Variants in GPR137 observed in about 807,000 individuals in gnomAD.
The protein encoded by GPR137 is G protein-coupled receptor 137.
A neutral mutation model predicts 38.9 loss-of-function variants in GPR137; 20 were observed. The observed-to-expected ratio is 0.51, with a 90% CI of 0.36 to 0.75. GPR137 has a LOEUF of 0.75. Ranked by LOEUF, GPR137 falls within the 30% of genes least tolerant of loss-of-function variation. GPR137 has a pLI of 0.00. For synonymous variants in GPR137, 226 were observed against 235.8 expected (o/e 0.96, Z 0.38); for missense variants, 456 against 526.4 (o/e 0.87, Z 1.31).
chr11:64,275,880 A>G (rs2033021380), intron 1 of GPR137: 1 of 152,020 alleles, frequency 6.6e-6, no homozygotes, highest in Non-Finnish European at 1.5e-5. Context: ...GTATTCATTC[A>G]TTTGATCCTT....
upstream of GPR137, chr11:64,284,841 TC>T (rs1565354505): frequency 6.6e-7 from 1 of 1,509,966 alleles, no homozygotes; most frequent in African/African-American, 1.4e-5. Flanking sequence ...GCATCCTTTT[TC>T]CTCCCTCCTT....
upstream of GPR137, chr11:64,271,628 A>C: frequency 6.7e-7 from 1 of 1,499,616 alleles, no homozygotes; most frequent in Admixed American, 2.3e-5. Context: ...AGGAGTCCAC[A>C]AACTCGTCAC....
upstream of GPR137, among the ~76,000 whole-genome samples, chr11:64,280,026 A>T (rs757158623): frequency 1.5e-4 from 22 of 151,134 alleles, no homozygotes; most frequent in Non-Finnish European, 2.7e-4. Flanking sequence ...TCTAAAATTA[A>T]TAATAATTTG....
chr11:64,289,163 C>T lies in GPR137; in HGVS notation c.1158C>T (p.His386=). The T allele has an allele frequency of 1.2e-6, 2 of 1,613,700 alleles. No homozygotes were observed. Among genetic ancestry groups the T allele is most frequent in the Middle Eastern group, 3.3e-4 (2 of 6,062 alleles). ...LFSQVPGPGG[H]HHSLYSTPQT ...CCCAGGTGCCAGGACCAGGCGGCCA[C>T]CACCACAGTCTCTACTCCACCCCAC... The change falls in exon 7 of 7, where the codon CAC becomes CAT. Residue 386 remains histidine (H), a synonymous_variant. Coordinates refer to ENST00000438980, the MANE Select transcript of GPR137 (RefSeq NM_001170880.2).
chr11:64,284,466 C>T, upstream of GPR137: 1 of 1,596,396 alleles, frequency 6.3e-7, no homozygotes, highest in Non-Finnish European at 8.5e-7. Context: ...GCTTCCTCTC[C>T]CACCGTAGCG....
chr11:64,289,203 T>G lies in GPR137; in HGVS notation c.*7T>G. 2.1e-6 allele frequency: 3 copies of G among 1,419,862 alleles called. No individual in the cohort carries two copies. Among genetic ancestry groups the G allele is most frequent in the Non-Finnish European group, 2.9e-6 (3 of 1,024,726 alleles). 88.0% of individuals were successfully genotyped at this position (1,419,862 alleles called of 1,614,324 possible). A position where few individuals can be genotyped will look rare whatever the true frequency, so the allele number is the denominator to read the frequency against. On this transcript the variant is annotated 3_prime_UTR_variant, in exon 7 of 7. Coordinates refer to ENST00000438980, the MANE Select transcript of GPR137 (RefSeq NM_001170880.2). ...CTCCACCCCACAGACGTGATCCCCCTCCCTCCCCCACAGAATACCCAGGCC... is the reference window on the plus strand; with the variant it reads ...CTCCACCCCACAGACGTGATCCCCCGCCCTCCCCCACAGAATACCCAGGCC...
upstream of GPR137, among the ~76,000 whole-genome samples, chr11:64,273,207 T>C (rs1011328315): frequency 3.3e-5 from 5 of 152,114 alleles, no homozygotes; most frequent in African/African-American, 1.2e-4. Flanking sequence ...ACTCCGTCTC[T>C]ACTAAAAATA....
In GPR137 at chr11:64,288,695, G is replaced by A. The variant is rs1270439958; in HGVS notation, c.1005G>A (p.Trp335Ter). 6.3e-7 allele frequency: 1 copy of A among 1,578,904 alleles called. No homozygotes were observed. Among genetic ancestry groups the A allele is most frequent in the East Asian group, 2.3e-5 (1 of 43,120 alleles). Reference protein sequence around the residue: ...AGHCEDEGCSWEHSRGESTSM... With the variant: ...AGHCEDEGCS ...ACTGTGAAGATGAGGGCTGCTCCTG[G>A]GAGCACAGCCGGGGTGAGAGCACCA... The change falls in exon 6 of 7, where the codon TGG becomes TGA. Residue 335 changes from tryptophan (W) to a stop codon, truncating the protein, a stop_gained. Coordinates refer to ENST00000438980, the MANE Select transcript of GPR137 (RefSeq NM_001170880.2). LOFTEE classifies it high-confidence loss of function. This position sits in a 1 kb window ranked among gnomAD's most constrained non-coding sequence, Gnocchi z 5.5.
chr11:64,270,756 C>A (rs1398000728), upstream of GPR137: 1 of 459,228 alleles, frequency 2.2e-6, no homozygotes, highest in African/African-American at 2.0e-5. Flanking sequence ...GATCGCACCA[C>A]TGCACTCCAG....
At chr11:64,283,423 G>C (rs1230598801), upstream of GPR137, among the ~76,000 whole-genome samples, 1 of 152,240 alleles carries the variant, frequency 6.6e-6, no homozygotes, top group Admixed American at 6.5e-5. Flanking sequence ...AGGGGTGCTA[G>C]AGCCTACTGA....
At position 64,286,616 on chromosome 11, in the gene GPR137, C is replaced by T; in HGVS notation, c.92C>T (p.Thr31Ile). 1 of 1,614,064 alleles carries T rather than the reference C, an allele frequency of 6.2e-7. No homozygotes were observed. The highest frequency in any genetic ancestry group is 1.1e-5 in the South Asian group (1 of 91,086). Residue 31 changes from threonine (T) to isoleucine (I), a missense_variant, in exon 1 of 7, where the codon ACC (threonine) becomes ATC (isoleucine). Physicochemically the swap from Thr to Ile is moderately conservative, Grantham distance 89 (BLOSUM62 -1). Coordinates refer to ENST00000438980, the MANE Select transcript of GPR137 (RefSeq NM_001170880.2). ...AVTLGLTAAY[T>I]TLYALLFFSV... ...ACCCTGGGGCTGACAGCTGCCTACA[C>T]CACCCTGTATGCCCTGCTCTTCTTC...
intron 1 of GPR137, chr11:64,275,781 A>C (rs1314603846): frequency 2.0e-5 from 3 of 151,946 alleles, no homozygotes. Flanking sequence ...GCACCCAGGC[A>C]CTTGGCCTGG....
chr11:64,282,244 G>A (rs1198796653), upstream of GPR137, among the ~76,000 whole-genome samples: 1 of 152,262 alleles, frequency 6.6e-6, no homozygotes. Context: ...GTGTGTGTGG[G>A]GGGCAGAGAG....
chr11:64,274,783 T>C (rs1476577682), upstream of GPR137, among the ~76,000 whole-genome samples: 2 of 151,318 alleles, frequency 1.3e-5, no homozygotes, highest in Non-Finnish European at 2.9e-5. Context: ...ATTGCACCAC[T>C]GCACTCCAGC....
rs183799439 is a variant in GPR137 at position 64,289,272 on chromosome 11, G to T, written c.*76G>T. On this transcript the variant is annotated 3_prime_UTR_variant, in exon 7 of 7. Coordinates refer to ENST00000438980, the MANE Select transcript of GPR137 (RefSeq NM_001170880.2). The stretch of plus-strand genomic sequence containing the variant: ...GGCCCCTGTGCCAAGTTTGTCTGCC[G>T]CTTCTTGCCCAGGATCCTGGGGGTC... 28 of 1,612,394 alleles carry T rather than the reference G, an allele frequency of 1.7e-5. No individual in the cohort carries two copies. The highest frequency in any genetic ancestry group is 2.4e-5 in the Non-Finnish European group (28 of 1,179,694).
chr11:64,275,864 C>T (rs1033248355), intron 1 of GPR137: 1 of 151,980 alleles, frequency 6.6e-6, no homozygotes, highest in Non-Finnish European at 1.5e-5. Context: ...CGGAAGCCCT[C>T]CCTGTGTATT....
upstream of GPR137, among the ~76,000 whole-genome samples, chr11:64,274,321 A>G (rs1435090980): frequency 6.6e-6 from 1 of 151,792 alleles, no homozygotes; most frequent in African/African-American, 2.4e-5. Flanking sequence ...CGGGAGGCGG[A>G]GCTTGCAGTG....
intron 1 of GPR137, among the ~76,000 whole-genome samples, chr11:64,276,072 G>A (rs941499754): frequency 4.6e-5 from 7 of 152,140 alleles, no homozygotes; most frequent in Non-Finnish European, 5.9e-5. Flanking sequence ...GCTCCTTCCA[G>A]CTGTACCTTG....
In GPR137 at chr11:64,289,439, G is replaced by A. The variant is rs998804841; in HGVS notation, c.*243G>A. On this transcript the variant is annotated 3_prime_UTR_variant, in exon 7 of 7. Coordinates refer to ENST00000438980, the MANE Select transcript of GPR137 (RefSeq NM_001170880.2). ...GACCTGCCACCTCTGCTTCCACACCGGAGCCAGCTACCTCTCCTGTGCCTG... is the reference window on the plus strand; with the variant it reads ...GACCTGCCACCTCTGCTTCCACACCAGAGCCAGCTACCTCTCCTGTGCCTG... 3.5e-5 allele frequency: 53 copies of A among 1,516,426 alleles called. No homozygotes were observed. The highest frequency in any genetic ancestry group is 4.1e-5 in the Non-Finnish European group (47 of 1,136,922). The allele number at this position is 1,516,426 out of a possible 1,614,324, so 93.9% of individuals were successfully genotyped here.
Sources: gnomAD v4.1 joint callset for allele counts (sites outside exome capture counted in the v4.1 genomes callset) on GRCh38, gnomAD v4.1.1 for gene constraint, Gnocchi (gnomAD v3.1) non-coding constraint, MANE v1.5 for transcripts, NCBI Gene and HGNC (gene_info 2026-07-23, HGNC 2026-07-21) for gene names.